Variants in SPATA6 observed in about 807,000 individuals in gnomAD.
SPATA6 encodes the protein spermatogenesis-associated protein 6.
SPATA6 carries 56 observed loss-of-function variants against 65.3 expected under a neutral mutation model. The observed-to-expected ratio is 0.86, with a 90% CI of 0.69 to 1.07. The LOEUF is 1.07. Ranked by LOEUF, SPATA6 falls within the 50% of genes least tolerant of loss-of-function variation. SPATA6 has a pLI of 0.00. For missense variants in SPATA6, 590 were observed against 594.8 expected (o/e 0.99, Z 0.08); for synonymous variants, 199 against 213.2 (o/e 0.93, Z 0.58).
At chr1:48,284,625 C>G in the SPATA6 span, among the ~76,000 whole-genome samples, 11 of 152,130 alleles carry the variant, frequency 7.2e-5, no homozygotes, top group African/African-American at 2.7e-4. Flanking sequence ...GTGTGGACAT[C>G]CTTTTTGTTG....
chr1:48,461,864 A>G (rs1165181974), intron 1 of SPATA6, among the ~76,000 whole-genome samples: 1 of 152,216 alleles, frequency 6.6e-6, no homozygotes, highest in Non-Finnish European at 1.5e-5. Flanking sequence ...AAAGGACTAT[A>G]AACCATGCTG....
At chr1:48,438,721 C>A (rs1038522170) in intron 3 of SPATA6, among the ~76,000 whole-genome samples, 1 of 152,190 alleles carries the variant, frequency 6.6e-6, no homozygotes, top group Admixed American at 6.5e-5. Flanking sequence ...CCTCTTTTCT[C>A]CGAGACTAGT....
chr1:48,420,113 T>C (rs912082319), intron 3 of SPATA6, among the ~76,000 whole-genome samples: 18 of 152,068 alleles, frequency 1.2e-4, no homozygotes, highest in Admixed American at 5.2e-4. Flanking sequence ...TGATCACCAA[T>C]GGCCAATGGT....
intron 10 of SPATA6, among the ~76,000 whole-genome samples, chr1:48,358,641 G>A (rs1488475690): frequency 2.6e-5 from 4 of 152,036 alleles, no homozygotes; most frequent in Admixed American, 1.3e-4. Context: ...CAGAAAAACC[G>A]CTCTTCCAGT....
chr1:48,355,536 TG>T, intron 11 of SPATA6, 133 bp downstream of exon 11: 1 of 613,416 alleles, frequency 1.6e-6, no homozygotes, highest in Non-Finnish European at 2.8e-6. Flanking sequence ...GCAAAACCAC[TG>T]ACTTCCATCA....
At chr1:48,313,561 GAAC>G (rs1241714283) in intron 11 of SPATA6, among the ~76,000 whole-genome samples, 16 of 152,156 alleles carry the variant, frequency 1.1e-4, no homozygotes, top group Middle Eastern at 3.4e-3. Context: ...ACATCGAAAG[GAAC>G]AACTGGTACC....
At chr1:48,353,800 G>A (rs1646580712) in intron 11 of SPATA6, among the ~76,000 whole-genome samples, 1 of 151,826 alleles carries the variant, frequency 6.6e-6, no homozygotes, top group East Asian at 1.9e-4. Flanking sequence ...ATATTTAAAT[G>A]TTAAAGAAAA....
intron 11 of SPATA6, among the ~76,000 whole-genome samples, chr1:48,326,779 G>A (rs555871804): frequency 4.6e-5 from 7 of 152,184 alleles, no homozygotes; most frequent in East Asian, 3.9e-4. Flanking sequence ...AATGAATAGC[G>A]CTGGGAGAAT....
chr1:48,366,054 T>TA, intron 9 of SPATA6, among the ~76,000 whole-genome samples: 1 of 152,234 alleles, frequency 6.6e-6, no homozygotes, highest in East Asian at 1.9e-4. Context: ...GAGATAATCA[T>TA]ACGGTATTTG....
chr1:48,380,181 G>A (rs188093497), intron 9 of SPATA6, among the ~76,000 whole-genome samples: 3 of 152,316 alleles, frequency 2.0e-5, no homozygotes, highest in Admixed American at 2.0e-4. Context: ...AATGTTCTGT[G>A]AGCACTCCTG....
chr1:48,348,739 T>A (rs1052843413), intron 11 of SPATA6, among the ~76,000 whole-genome samples: 2 of 152,062 alleles, frequency 1.3e-5, no homozygotes, highest in Non-Finnish European at 2.9e-5. Flanking sequence ...AACTCAGGTA[T>A]ATATTCATAT....
chr1:48,400,680 T>C (rs928228600), intron 6 of SPATA6: 1 of 873,870 alleles, frequency 1.1e-6, no homozygotes, highest in Non-Finnish European at 1.6e-6. Flanking sequence ...AAGAGTCAAA[T>C]TTTTTAAGTG....
intron 9 of SPATA6, among the ~76,000 whole-genome samples, chr1:48,366,109 T>A (rs1461184513): frequency 6.6e-6 from 1 of 152,240 alleles, no homozygotes; most frequent in African/African-American, 2.4e-5. Flanking sequence ...TTGATTTGCG[T>A]ATGTTGAACC....
At position 48,359,850 on chromosome 1, in the gene SPATA6, G is replaced by A. The variant is rs1323755526; in HGVS notation, c.910-80C>T. 3 of 1,143,804 alleles carry A rather than the reference G, an allele frequency of 2.6e-6. No homozygotes were observed. The African/African-American group carries it at 4.7e-5, about 18-fold the overall frequency. The allele number at this position is 1,143,804 out of a possible 1,614,324, so 70.9% of individuals were successfully genotyped here. On this transcript the variant is annotated intron_variant, in intron 9 of 12. Coordinates refer to ENST00000371847, the MANE Select transcript of SPATA6 (RefSeq NM_019073.4). ...AACATATTATATAGTAATATAGTAT[G>A]CATAGTAGTCATATGCATGTGCACA...
At chr1:48,366,274 G>T (rs11811426) in intron 9 of SPATA6, among the ~76,000 whole-genome samples, 5,392 of 152,160 alleles carry the variant, frequency 0.035, 311 homozygotes, top group African/African-American at 0.12. Context: ...TTGTGTCTCT[G>T]CCCGGCTTTG....
intron 11 of SPATA6, among the ~76,000 whole-genome samples, chr1:48,335,138 C>T (rs1438242133): frequency 6.6e-6 from 1 of 151,576 alleles, no homozygotes; most frequent in Non-Finnish European, 1.5e-5. Context: ...AGAGATGACA[C>T]CAAAAAATGG....
chr1:48,333,877 AAGAT>A (rs1348625626), intron 11 of SPATA6, among the ~76,000 whole-genome samples: 2 of 152,086 alleles, frequency 1.3e-5, no homozygotes. Flanking sequence ...AAAAATTAAT[AAGAT>A]AGTCAGCTAG....
rs186719462 is a variant in SPATA6 at position 48,404,364 on chromosome 1, A to T, written c.406-482T>A. Among the ~76,000 whole-genome samples the T allele has an allele frequency of 5.3e-5, 8 of 152,028 alleles. 1 individual carries two copies. The highest frequency in any genetic ancestry group is 6.6e-5 in the Admixed American group (1 of 15,238). The stretch of plus-strand genomic sequence containing the variant: ...ATATACAATTAGTATTACTCAATTA[A>T]TTTTTTTTCTTAGAGACAAGGTCTC... On this transcript the variant is annotated intron_variant, in intron 5 of 12. Transcript: ENST00000371847.
chr1:48,377,908 C>A (rs1322076327), intron 9 of SPATA6, among the ~76,000 whole-genome samples: 1 of 152,004 alleles, frequency 6.6e-6, no homozygotes, highest in Non-Finnish European at 1.5e-5. Flanking sequence ...AGAAAGTAGG[C>A]AAGAATGGTG....
Sources: gnomAD v4.1 joint callset for allele counts (sites outside exome capture counted in the v4.1 genomes callset) on GRCh38, gnomAD v4.1.1 for gene constraint, MANE v1.5 for transcripts, NCBI Gene and HGNC (gene_info 2026-07-23, HGNC 2026-07-21) for gene names.